PAPPA2: variants seen among roughly 807,000 people sequenced by gnomAD.
The protein encoded by PAPPA2 is pappalysin-2.
Under a neutral mutation model 176.4 loss-of-function variants are expected in PAPPA2, and 86 were observed. The ratio of observed to expected loss-of-function variants is 0.49; its 90% CI spans 0.41 to 0.58. The LOEUF is 0.58. Ranked by LOEUF, PAPPA2 falls within the 20% of genes least tolerant of loss-of-function variation. The pLI is 0.00. For missense variants in PAPPA2, 2,073 were observed against 2,256.9 expected (o/e 0.92, Z 1.65); for synonymous variants, 809 against 852.2 (o/e 0.95, Z 0.88).
At chr1:176,565,836 C>A (rs1651943609) in intron 2 of PAPPA2, among the ~76,000 whole-genome samples, 3 of 152,300 alleles carry the variant, frequency 2.0e-5, no homozygotes, top group Admixed American at 6.5e-5. Context: ...GATGCTGACG[C>A]CTCTGAAATA....
chr1:176,709,421 A>G (rs1661037776), intron 10 of PAPPA2, among the ~76,000 whole-genome samples: 2 of 152,096 alleles, frequency 1.3e-5, no homozygotes, highest in Non-Finnish European at 1.5e-5. Flanking sequence ...AAAAATTAAT[A>G]ACATATGTAA....
chr1:176,607,786 G>A (rs191219604), intron 3 of PAPPA2, among the ~76,000 whole-genome samples: 10 of 152,130 alleles, frequency 6.6e-5, no homozygotes, highest in Admixed American at 6.5e-4. Flanking sequence ...TGGCTAACCG[G>A]CTTTTATAAC....
chr1:176,749,116 G>A, intron 14 of PAPPA2, among the ~76,000 whole-genome samples: 1 of 24,484 alleles, frequency 4.1e-5, no homozygotes, highest in African/African-American at 1.4e-4. Flanking sequence ...ATGAATATAT[G>A]TGTGTGTGTA....
rs753888847 is a variant in PAPPA2 at position 176,791,399 on chromosome 1, G to A, written c.4937G>A (p.Cys1646Tyr). 1.2e-6 allele frequency: 2 copies of A among 1,612,586 alleles called. No individual in the cohort carries two copies. Among genetic ancestry groups the A allele is most frequent in the Non-Finnish European group, 1.7e-6 (2 of 1,178,774 alleles). The part of the protein sequence containing the change: ...EGLWTQEFKL[C>Y]ENLQGECPPP... Reference sequence around the variant, plus strand: ...CTGTGGACCCAGGAGTTTAAGTTGTGTGAGAATCTGCAAGGAGAATGCCCA... The same window carrying A: ...CTGTGGACCCAGGAGTTTAAGTTGTATGAGAATCTGCAAGGAGAATGCCCA... Residue 1646 changes from cysteine (C) to tyrosine (Y), a missense_variant, in exon 19 of 23, where the codon TGT becomes TAT. Cys to Tyr is a radical substitution (Grantham distance 194). Coordinates refer to ENST00000367662, the MANE Select transcript of PAPPA2 (RefSeq NM_020318.3).
At chr1:176,630,085 A>G (rs1656259152) in intron 3 of PAPPA2, among the ~76,000 whole-genome samples, 1 of 152,142 alleles carries the variant, frequency 6.6e-6, no homozygotes, top group Admixed American at 6.6e-5. Context: ...AAATCATTGA[A>G]TGTCAAATAT....
intron 1 of PAPPA2, among the ~76,000 whole-genome samples, chr1:176,498,272 G>A (rs10913188): frequency 0.08 from 12,136 of 151,792 alleles, 602 homozygotes; most frequent in South Asian, 0.16. Flanking sequence ...CTCTTCTCTG[G>A]GACCTGCTCC....
chr1:176,692,116 G>T lies in PAPPA2; in HGVS notation c.2432-10G>T. 6.3e-7 allele frequency: 1 copy of T among 1,593,726 alleles called. No homozygotes were observed. The highest frequency in any genetic ancestry group is 1.7e-5 in the Admixed American group (1 of 57,634). On this transcript the variant is annotated splice_polypyrimidine_tract_variant and intron_variant, in intron 5 of 22. Coordinates refer to ENST00000367662, the MANE Select transcript of PAPPA2 (RefSeq NM_020318.3). Reference sequence around the variant, plus strand: ...CTCCATCTCTTGTGCCACCTTTTTTGTCTCCACAGATGATAACTGCACTGA... The same window carrying T: ...CTCCATCTCTTGTGCCACCTTTTTTTTCTCCACAGATGATAACTGCACTGA...
At chr1:176,757,741 C>T (rs1460901262) in intron 14 of PAPPA2, among the ~76,000 whole-genome samples, 4 of 152,114 alleles carry the variant, frequency 2.6e-5, no homozygotes, top group Non-Finnish European at 5.9e-5. Flanking sequence ...GCTTTTGTTG[C>T]CATTGCTTTT....
chr1:176,547,109 C>T (rs549174209), intron 1 of PAPPA2, among the ~76,000 whole-genome samples: 8 of 152,176 alleles, frequency 5.3e-5, no homozygotes, highest in Non-Finnish European at 7.3e-5. Context: ...AATGAAGTTG[C>T]CATGTAATAT....
At chr1:176,796,297 G>C (rs1404398217) in intron 20 of PAPPA2, among the ~76,000 whole-genome samples, 1 of 152,200 alleles carries the variant, frequency 6.6e-6, no homozygotes, top group Non-Finnish European at 1.5e-5. Context: ...GCAAGTTGCA[G>C]GGTAGTGTGC....
chr1:176,551,722 A>G (rs1158474888), intron 1 of PAPPA2, among the ~76,000 whole-genome samples: 1 of 152,198 alleles, frequency 6.6e-6, no homozygotes, highest in Non-Finnish European at 1.5e-5. Context: ...GTTGAAATGA[A>G]GTGCAGATGA....
intron 21 of PAPPA2, among the ~76,000 whole-genome samples, chr1:176,816,152 GTATATATATA>G (rs373739173): frequency 0.037 from 1,544 of 42,276 alleles, 32 homozygotes; most frequent in Middle Eastern, 0.1. Flanking sequence ...CTTTCACAGT[GTATATATATA>G]TATATATATA....
intron 21 of PAPPA2, among the ~76,000 whole-genome samples, chr1:176,829,746 G>A (rs1667013646): frequency 6.6e-6 from 1 of 152,170 alleles, no homozygotes; most frequent in South Asian, 2.1e-4. Context: ...CATCCAGACA[G>A]AGCATGTACC....
intron 1 of PAPPA2, chr1:176,537,473 C>T (rs559472081): frequency 6.6e-6 from 1 of 152,270 alleles, no homozygotes; most frequent in East Asian, 1.9e-4. Context: ...TTAAATGGGT[C>T]CTCTGAAGAC....
At chr1:176,530,905 C>A (rs1237595381) in intron 1 of PAPPA2, among the ~76,000 whole-genome samples, 1 of 152,076 alleles carries the variant, frequency 6.6e-6, no homozygotes, top group African/African-American at 2.4e-5. Flanking sequence ...TGCATTTTTT[C>A]TTTTCTTTTT....
intron 12 of PAPPA2, among the ~76,000 whole-genome samples, chr1:176,727,244 A>G (rs1661923834): frequency 6.6e-6 from 1 of 152,132 alleles, no homozygotes; most frequent in South Asian, 2.1e-4. Context: ...TACATTATTT[A>G]AATTATCTAA....
At chr1:176,645,973 T>TTA (rs1657377247) in intron 3 of PAPPA2, among the ~76,000 whole-genome samples, 2 of 151,702 alleles carry the variant, frequency 1.3e-5, no homozygotes. Context: ...TTTTAGTTCT[T>TTA]TATATTTTGT....
chr1:176,806,162 T>G (rs555865416), intron 21 of PAPPA2, among the ~76,000 whole-genome samples: 1 of 152,344 alleles, frequency 6.6e-6, no homozygotes, highest in South Asian at 2.1e-4. Flanking sequence ...TAACTCTGTC[T>G]GAGCCTGAGC....
intron 1 of PAPPA2, among the ~76,000 whole-genome samples, chr1:176,528,703 ATTCAAGAC>A (rs1649628846): frequency 6.6e-6 from 1 of 152,202 alleles, no homozygotes; most frequent in South Asian, 2.1e-4. Flanking sequence ...TTAGTCTCAC[ATTCAAGAC>A]TTCCCTGGTT....
Sources: gnomAD v4.1 joint callset for allele counts (sites outside exome capture counted in the v4.1 genomes callset) on GRCh38, gnomAD v4.1.1 for gene constraint, MANE v1.5 for transcripts, NCBI Gene and HGNC (gene_info 2026-07-23, HGNC 2026-07-21) for gene names.